Variants in SLC24A3 observed in about 807,000 individuals in gnomAD.
SLC24A3 encodes sodium/potassium/calcium exchanger 3.
A neutral mutation model predicts 75.8 loss-of-function variants in SLC24A3; 28 were observed. The ratio of observed to expected loss-of-function variants is 0.37; its 90% CI spans 0.27 to 0.51. SLC24A3 has a LOEUF of 0.51. SLC24A3 is among the 20% of genes least tolerant of loss of function. SLC24A3 has a pLI of 0.94. For missense variants in SLC24A3, 663 were observed against 847.8 expected (o/e 0.78, Z 2.71); for synonymous variants, 372 against 334.1 (o/e 1.11, Z -1.24).
At chr20:19,334,509 T>C (rs1426185339) in intron 2 of SLC24A3, among the ~76,000 whole-genome samples, 1 of 152,170 alleles carries the variant, frequency 6.6e-6, no homozygotes, top group Admixed American at 6.5e-5. Flanking sequence ...CCATAAGTGA[T>C]CATCTTTTTC....
At chr20:19,636,681 G>T (rs2032006647) in intron 6 of SLC24A3, among the ~76,000 whole-genome samples, 1 of 152,034 alleles carries the variant, frequency 6.6e-6, no homozygotes, top group African/African-American at 2.4e-5. Context: ...GGAGGAATTT[G>T]GGCAAATAGA....
At chr20:19,482,415 C>T (rs1988070036) in intron 2 of SLC24A3, among the ~76,000 whole-genome samples, 1 of 152,166 alleles carries the variant, frequency 6.6e-6, no homozygotes, top group Non-Finnish European at 1.5e-5. Flanking sequence ...TCTGCTTGCC[C>T]CTCTGCCATG....
intron 2 of SLC24A3, among the ~76,000 whole-genome samples, chr20:19,411,206 C>A (rs765481277): frequency 3.3e-5 from 5 of 152,138 alleles, no homozygotes; most frequent in African/African-American, 4.8e-5. Context: ...CATCAGGGCT[C>A]CCATTACCCC....
intron 2 of SLC24A3, among the ~76,000 whole-genome samples, chr20:19,451,847 G>A (rs1307504146): frequency 2.0e-5 from 3 of 152,200 alleles, no homozygotes. Context: ...GCCATCCAAA[G>A]GGAATCAACT....
intron 2 of SLC24A3, among the ~76,000 whole-genome samples, chr20:19,363,057 C>G (rs73286696): frequency 0.021 from 3,128 of 152,306 alleles, 40 homozygotes; most frequent in East Asian, 0.035. Flanking sequence ...TAGGAACTGA[C>G]AGGTGTTTTC....
intron 1 of SLC24A3, among the ~76,000 whole-genome samples, chr20:19,247,590 C>T (rs1037804950): frequency 7.2e-5 from 11 of 152,102 alleles, no homozygotes; most frequent in Admixed American, 5.2e-4. Flanking sequence ...AACAATCCCG[C>T]GTAGATGATG....
At chr20:19,397,380 C>T (rs548518394) in intron 2 of SLC24A3, among the ~76,000 whole-genome samples, 10 of 152,238 alleles carry the variant, frequency 6.6e-5, no homozygotes, top group Admixed American at 2.0e-4. Context: ...GTTATCTTGA[C>T]GCCAAGCCCT....
intron 2 of SLC24A3, among the ~76,000 whole-genome samples, chr20:19,337,243 G>A (rs889977503): frequency 7.2e-5 from 11 of 152,104 alleles, no homozygotes; most frequent in African/African-American, 2.2e-4. Flanking sequence ...TCAGGAGTTC[G>A]AGACCAGCCT....
At position 19,257,257 on chromosome 20, in the gene SLC24A3, C is replaced by T. The variant is rs767111437; in HGVS notation, c.143-23702C>T. Among the ~76,000 whole-genome samples the T allele has an allele frequency of 2.5e-4, 38 of 152,308 alleles. No individual in the cohort carries two copies. The Middle Eastern group carries it at 0.01, about 41-fold the overall frequency. ...TCCTGCCTCCGTAAGCAGCCTGGAG[C>T]CATCTACAGCTGTGGATGGGGCTGT... On this transcript the variant is annotated intron_variant, in intron 1 of 16. Transcript: ENST00000328041.
intron 9 of SLC24A3, among the ~76,000 whole-genome samples, chr20:19,680,830 G>A (rs2032604986): frequency 6.6e-6 from 1 of 152,230 alleles, no homozygotes; most frequent in African/African-American, 2.4e-5. Flanking sequence ...AGAGCTTCAT[G>A]TCTGTAGCAG....
intron 2 of SLC24A3, among the ~76,000 whole-genome samples, chr20:19,505,590 A>T (rs117134328): frequency 6.6e-6 from 1 of 152,338 alleles, no homozygotes; most frequent in East Asian, 1.9e-4. Flanking sequence ...GCAACCAATC[A>T]TAGGCATGTT....
At chr20:19,221,686 T>C (rs1294478423) in intron 1 of SLC24A3, among the ~76,000 whole-genome samples, 3 of 152,212 alleles carry the variant, frequency 2.0e-5, no homozygotes, top group Admixed American at 6.5e-5. Context: ...TTGTTGCCTC[T>C]GAGAAATCTG....
intron 7 of SLC24A3, among the ~76,000 whole-genome samples, chr20:19,655,517 G>A (rs989927883): frequency 1.3e-5 from 2 of 152,140 alleles, no homozygotes; most frequent in African/African-American, 4.8e-5. Flanking sequence ...CTGGGCTAAG[G>A]TGTGCCCAGA....
chr20:19,527,429 G>A (rs549331213), intron 3 of SLC24A3, among the ~76,000 whole-genome samples: 1 of 152,262 alleles, frequency 6.6e-6, no homozygotes, highest in African/African-American at 2.4e-5. Flanking sequence ...CCACTAAGCT[G>A]GTAAGTGAGT....
At chr20:19,466,341 G>A (rs765904124) in intron 2 of SLC24A3, among the ~76,000 whole-genome samples, 36 of 152,202 alleles carry the variant, frequency 2.4e-4, no homozygotes, top group Non-Finnish European at 4.4e-4. Context: ...ATGCACCAAA[G>A]AAATGAGGAC....
chr20:19,651,661 C>T (rs2032205222), intron 6 of SLC24A3, among the ~76,000 whole-genome samples: 1 of 151,768 alleles, frequency 6.6e-6, no homozygotes, highest in African/African-American at 2.4e-5. Context: ...AGATCGAGAC[C>T]ATCCTGGCTA....
chr20:19,599,579 G>A (rs1000982548), intron 6 of SLC24A3, among the ~76,000 whole-genome samples: 1 of 152,258 alleles, frequency 6.6e-6, no homozygotes, highest in Admixed American at 6.5e-5. Flanking sequence ...GGCTACCCAG[G>A]TGCTCATCTC....
At chr20:19,228,347 A>G (rs1392279622) in intron 1 of SLC24A3, among the ~76,000 whole-genome samples, 2 of 152,092 alleles carry the variant, frequency 1.3e-5, no homozygotes, top group Non-Finnish European at 2.9e-5. Context: ...TCTATATTAG[A>G]AAAAAATCAG....
chr20:19,237,246 C>T (rs530666904), intron 1 of SLC24A3, among the ~76,000 whole-genome samples: 1 of 152,246 alleles, frequency 6.6e-6, no homozygotes, highest in African/African-American at 2.4e-5. Context: ...ATTTCAGCAC[C>T]TGGTGCTCCT....
Sources: allele counts gnomAD v4.1 joint callset (sites outside exome capture counted in the v4.1 genomes callset), GRCh38; gene constraint gnomAD v4.1.1; transcripts MANE v1.5; gene names NCBI Gene and HGNC (gene_info 2026-07-23, HGNC 2026-07-21).